The following AUTS2 variants were observed in gnomAD, a reference collection of about 807,000 sequenced individuals.
The protein encoded by AUTS2 is activator of transcription and developmental regulator AUTS2, also known as autism susceptibility gene 2 protein.
Under a neutral mutation model 112.4 loss-of-function variants are expected in AUTS2, and 17 were observed. The ratio of observed to expected loss-of-function variants is 0.15; its 90% CI spans 0.10 to 0.23. AUTS2 has a LOEUF of 0.23. AUTS2 is among the 10% of genes least tolerant of loss of function. The pLI is 1.00. For synonymous variants in AUTS2, 751 were observed against 702.7 expected (o/e 1.07, Z -1.09); for missense variants, 1,510 against 1,701.6 (o/e 0.89, Z 1.98).
At chr7:70,528,104 T>TA (rs1554421909) in intron 5 of AUTS2, among the ~76,000 whole-genome samples, 3,562 of 121,116 alleles carry the variant, frequency 0.029, 123 homozygotes, top group African/African-American at 0.096. Context: ...TTTTTTTTTT[T>TA]TTTTTTTTTT....
intron 4 of AUTS2, among the ~76,000 whole-genome samples, chr7:70,377,370 A>ATATATATG: frequency 8.4e-6 from 1 of 118,686 alleles, no homozygotes; most frequent in East Asian, 2.5e-4. Context: ...ATATATATAT[A>ATATATATG]TATAGTGATA....
chr7:70,051,987 A>G (rs180964463), intron 2 of AUTS2, among the ~76,000 whole-genome samples: 3 of 152,248 alleles, frequency 2.0e-5, no homozygotes, highest in East Asian at 1.9e-4. Flanking sequence ...GCTTTCCTGG[A>G]TGGAATTTAT....
intron 15 of AUTS2, 108 bp from the exon 16 acceptor site, chr7:70,784,834 C>A (rs943072465): frequency 5.5e-5 from 49 of 894,202 alleles, no homozygotes; most frequent in Non-Finnish European, 8.4e-5. Context: ...TCAGCCATGA[C>A]CTCCCTTGAA....
At chr7:70,581,922 T>C (rs78897477) in intron 5 of AUTS2, among the ~76,000 whole-genome samples, 3,682 of 152,220 alleles carry the variant, frequency 0.024, 135 homozygotes, top group African/African-American at 0.083. Flanking sequence ...TAGTCAAAGG[T>C]GGGGCCAAAA....
At chr7:69,618,527 C>CT (rs990637603) in intron 1 of AUTS2, among the ~76,000 whole-genome samples, 2 of 152,110 alleles carry the variant, frequency 1.3e-5, no homozygotes, top group African/African-American at 2.4e-5. Flanking sequence ...GCTGGTCTGT[C>CT]TTTTTTAGCC....
At chr7:70,620,420 G>T (rs1002307709) in intron 5 of AUTS2, among the ~76,000 whole-genome samples, 3 of 152,132 alleles carry the variant, frequency 2.0e-5, no homozygotes, top group Non-Finnish European at 4.4e-5. Flanking sequence ...CTATGCTGAA[G>T]ACCACATCTT....
At position 70,592,574 on chromosome 7, in the gene AUTS2, C is replaced by G. The variant is rs555906293; in HGVS notation, c.691-105995C>G. ...ATGAGGTATCACCATGTTGGCCAAG[C>G]TGGTCTCGAACTCCTGACCTCAAAT... On this transcript the variant is annotated intron_variant, in intron 5 of 18. Coordinates refer to ENST00000342771, the MANE Select transcript of AUTS2 (RefSeq NM_015570.4). Among the ~76,000 whole-genome samples the G allele has an allele frequency of 7.9e-5, 12 of 152,172 alleles. No homozygotes were observed. The East Asian group carries it at 2.3e-3, about 30-fold the overall frequency.
At chr7:69,649,228 TAAC>T (rs1236953628) in intron 1 of AUTS2, among the ~76,000 whole-genome samples, 1 of 152,186 alleles carries the variant, frequency 6.6e-6, no homozygotes, top group African/African-American at 2.4e-5. Flanking sequence ...CTGGAAACCC[TAAC>T]AACAGCCAAA....
chr7:70,304,511 G>A (rs1228247148), intron 4 of AUTS2, among the ~76,000 whole-genome samples: 1 of 152,142 alleles, frequency 6.6e-6, no homozygotes, highest in South Asian at 2.1e-4. Context: ...TTGGGATGTA[G>A]TAGGGGGTCT....
chr7:70,243,231 T>TTTG (rs1377117364), intron 4 of AUTS2, among the ~76,000 whole-genome samples: 16 of 131,670 alleles, frequency 1.2e-4, no homozygotes, highest in African/African-American at 4.3e-4. Flanking sequence ...GAATGTATCC[T>TTTG]TGTGTGTGTG....
intron 6 of AUTS2, among the ~76,000 whole-genome samples, chr7:70,750,342 T>A (rs919450526): frequency 1.1e-4 from 16 of 150,254 alleles, no homozygotes; most frequent in Non-Finnish European, 1.3e-4. Context: ...TTTTTTTTTT[T>A]AAACAGGGTC....
chr7:69,921,506 G>A (rs1445897910), intron 2 of AUTS2, among the ~76,000 whole-genome samples: 2 of 152,038 alleles, frequency 1.3e-5, no homozygotes, highest in East Asian at 1.9e-4. Context: ...GGTGGCTCAC[G>A]CCTGTAATTC....
At chr7:69,787,543 T>G (rs1360790583) in intron 1 of AUTS2, among the ~76,000 whole-genome samples, 1 of 152,136 alleles carries the variant, frequency 6.6e-6, no homozygotes, top group Non-Finnish European at 1.5e-5. Context: ...TAGCATTTAT[T>G]ATAGTAGTTA....
Position 70,790,259 on chromosome 7 carries a change from C to T in AUTS2, c.3043C>T (p.His1015Tyr), listed in dbSNP as rs144860288. Residue 1015 changes from histidine to tyrosine, a missense_variant, in exon 19 of 19, where the codon CAC (histidine) becomes TAC (tyrosine). His to Tyr is a moderately conservative substitution (Grantham distance 83). This residue lies in a region of AUTS2 where 788 missense variants were observed against 797.6 expected (regional missense o/e 0.99). Transcript: ENST00000342771. The surrounding 1 kb of genome is among the most constrained non-coding windows in gnomAD (Gnocchi z 7.6). ...GCCTCCCAACTCCTCGTCCAGCGTG[C>T]ACCCGGGGCCCCTGGCCTCGATGCC... ...PPPPNSSSSV[H>Y]PGPLASMPMT... 1.4e-5 allele frequency: 23 copies of T among 1,612,906 alleles called. No individual in the cohort carries two copies. Among genetic ancestry groups the T allele is most frequent in the Non-Finnish European group, 1.9e-5 (22 of 1,179,882 alleles).
At chr7:70,493,987 A>G (rs1242046134) in intron 5 of AUTS2, among the ~76,000 whole-genome samples, 2 of 152,216 alleles carry the variant, frequency 1.3e-5, no homozygotes, top group African/African-American at 4.8e-5. Flanking sequence ...CAAAAAGTCA[A>G]CAAAGAAAAT....
rs76864209 is a variant in AUTS2 at position 70,023,312 on chromosome 7, G to A, written c.523-94820G>A. Among the ~76,000 whole-genome samples, 3 of 152,312 alleles carry A rather than the reference G, an allele frequency of 2.0e-5. No homozygotes were observed. The East Asian group carries it at 5.8e-4, about 29-fold the overall frequency. On this transcript the variant is annotated intron_variant, in intron 2 of 18. Coordinates refer to ENST00000342771, the MANE Select transcript of AUTS2 (RefSeq NM_015570.4). ...TTAGCGCTTTAAGAGCTAAGTGATA[G>A]CTTTTCCAGTTCTTTAAACATTACA...
intron 5 of AUTS2, among the ~76,000 whole-genome samples, chr7:70,569,446 C>T (rs77887288): frequency 4.9e-4 from 74 of 152,318 alleles, no homozygotes; most frequent in African/African-American, 1.6e-3. Flanking sequence ...TGTATCCCAC[C>T]GGCTGCAAAG....
intron 2 of AUTS2, among the ~76,000 whole-genome samples, chr7:69,900,955 A>G (rs912590936): frequency 3.9e-4 from 59 of 152,296 alleles, no homozygotes; most frequent in African/African-American, 1.4e-3. Flanking sequence ...CCTGCCTAGT[A>G]GGTAATATCA....
At chr7:70,281,810 A>G (rs1788228687) in intron 4 of AUTS2, among the ~76,000 whole-genome samples, 1 of 152,206 alleles carries the variant, frequency 6.6e-6, no homozygotes, top group African/African-American at 2.4e-5. Flanking sequence ...GCTAGTACAG[A>G]GCAAATGTGA....
Sources: allele counts gnomAD v4.1 joint callset (sites outside exome capture counted in the v4.1 genomes callset), GRCh38; gene constraint gnomAD v4.1.1; regional missense constraint gnomAD v4.1.1; non-coding constraint Gnocchi (gnomAD v3.1); transcripts MANE v1.5; gene names NCBI Gene and HGNC (gene_info 2026-07-23, HGNC 2026-07-21).